Variants in GLI2 observed in about 807,000 individuals in gnomAD.
The protein encoded by GLI2 is transcription activator GLI2.
A neutral mutation model predicts 78.9 loss-of-function variants in GLI2; 22 were observed. The observed-to-expected ratio is 0.28, with a 90% CI of 0.20 to 0.40. The LOEUF (loss-of-function observed/expected upper bound fraction) is 0.40. Among genes scored for constraint, GLI2 ranks in the 10% least tolerant of loss-of-function variants. The pLI, the probability that GLI2 is intolerant of heterozygous loss-of-function variation, is 1.00. For synonymous variants in GLI2, 974 were observed against 963.7 expected (o/e 1.01, Z -0.20); for missense variants, 2,097 against 2,213.2 (o/e 0.95, Z 1.05).
At position 120,990,510 on chromosome 2, in the gene GLI2, C is replaced by T; in HGVS notation, c.4545C>T (p.Ser1515=). 1 of 1,614,148 alleles carries T rather than the reference C, an allele frequency of 6.2e-7. No individual in the cohort carries two copies. The highest frequency in any genetic ancestry group is 8.5e-7 in the Non-Finnish European group (1 of 1,180,022). Residue 1515 remains serine, a synonymous_variant, in exon 14 of 14, where the codon AGC becomes AGT. Coordinates refer to ENST00000361492, the MANE Select transcript of GLI2 (RefSeq NM_001374353.1). ...TGTTCTCGGGTGCTCTGAGCCCCAG[C>T]CTCCTCCACAGCCTCTCCCAGAACT... ...SSLFSGALSP[S]LLHSLSQNSS...
rs1280905136 is a variant in GLI2, at chr2:120,884,725, C to T, written c.149-42636C>T. Reference sequence around the variant, plus strand: ...CTAAGCTGAGTGACATTAGGGTGGCCGTCGGAGTCCAGCTAGAGTGGGCAG... The same window carrying T: ...CTAAGCTGAGTGACATTAGGGTGGCTGTCGGAGTCCAGCTAGAGTGGGCAG... On this transcript the variant is annotated intron_variant, in intron 2 of 13. Coordinates refer to ENST00000361492, the MANE Select transcript of GLI2 (RefSeq NM_001374353.1). Among the ~76,000 whole-genome samples, 10 of 152,284 alleles carry T rather than the reference C, an allele frequency of 6.6e-5. 1 individual carries two copies. In the East Asian group the frequency reaches 1.2e-3, roughly 18 times the overall value.
intron 2 of GLI2, among the ~76,000 whole-genome samples, chr2:120,914,428 A>C (rs1201340146): frequency 6.6e-6 from 1 of 152,216 alleles, no homozygotes; most frequent in Non-Finnish European, 1.5e-5. Context: ...TGGGCTTCAA[A>C]TCTATTGCAT....
rs566091105 is a variant in GLI2, at chr2:120,800,149, C to T, written c.148+2681C>T. On this transcript the variant is annotated intron_variant, in intron 2 of 13. Transcript: ENST00000361492. This position sits in a 1 kb window ranked among gnomAD's most constrained non-coding sequence, Gnocchi z 4.1. ...GTGTGGACAGTGGGTGAGGAGGGGCCGTGAGGGACTGTACCAAGCCTGGGA... is the reference window on the plus strand; with the variant it reads ...GTGTGGACAGTGGGTGAGGAGGGGCTGTGAGGGACTGTACCAAGCCTGGGA... 1.3e-4 allele frequency among the ~76,000 whole-genome samples: 20 copies of T among 152,204 alleles called. No homozygotes were observed. In the South Asian group the frequency reaches 1.9e-3, roughly 14 times the overall value.
intron 6 of GLI2, among the ~76,000 whole-genome samples, chr2:120,969,880 G>A (rs564208202): frequency 9.8e-5 from 15 of 152,322 alleles, no homozygotes; most frequent in African/African-American, 3.6e-4. Flanking sequence ...CCCAACCACA[G>A]GGGTCACCAA....
chr2:120,973,498 C>T (rs1012827075), intron 8 of GLI2, among the ~76,000 whole-genome samples: 6 of 152,216 alleles, frequency 3.9e-5, no homozygotes, highest in Non-Finnish European at 5.9e-5. Context: ...GTCCCCCCGT[C>T]GCTCAGTGTC....
chr2:120,762,913 C>T (rs981627799), intron 1 of GLI2, among the ~76,000 whole-genome samples: 3 of 152,150 alleles, frequency 2.0e-5, no homozygotes, highest in East Asian at 3.9e-4. Context: ...TGAAGGGATC[C>T]GAGGAGGAAA....
chr2:120,972,704 T>C (rs1272636998), intron 8 of GLI2: 2 of 518,386 alleles, frequency 3.9e-6, no homozygotes, highest in African/African-American at 3.9e-5. Flanking sequence ...TATTTTCCAA[T>C]GATTCAATGC....
At chr2:120,772,292 T>C (rs888636612) in intron 1 of GLI2, among the ~76,000 whole-genome samples, 1 of 152,184 alleles carries the variant, frequency 6.6e-6, no homozygotes, top group African/African-American at 2.4e-5. Context: ...GTCTCCTTTC[T>C]CTGAGGAGCC....
chr2:120,816,934 G>C (rs73949917), intron 2 of GLI2, among the ~76,000 whole-genome samples: 7,552 of 152,256 alleles, frequency 0.05, 617 homozygotes, highest in African/African-American at 0.17. Flanking sequence ...CATGCTGTTG[G>C]TTAAAATCCA....
intron 1 of GLI2, among the ~76,000 whole-genome samples, chr2:120,761,152 AG>A (rs1683200767): frequency 6.6e-6 from 1 of 152,214 alleles, no homozygotes; most frequent in South Asian, 2.1e-4. Flanking sequence ...ACAGGTGGCT[AG>A]GGACGAAGAT....
At chr2:120,806,449 G>A (rs1232379470) in intron 2 of GLI2, among the ~76,000 whole-genome samples, 3 of 152,116 alleles carry the variant, frequency 2.0e-5, no homozygotes, top group African/African-American at 7.2e-5. Flanking sequence ...CTTCACGGGG[G>A]AGGCAGTGTC....
chr2:120,843,583 G>A (rs557733760), intron 2 of GLI2, among the ~76,000 whole-genome samples: 33 of 152,350 alleles, frequency 2.2e-4, no homozygotes, highest in African/African-American at 7.5e-4. Context: ...GTTAAGGTCT[G>A]TGTAGTGGAT....
At chr2:120,774,015 C>G (rs1683605807) in intron 1 of GLI2, among the ~76,000 whole-genome samples, 1 of 150,422 alleles carries the variant, frequency 6.6e-6, no homozygotes, top group African/African-American at 2.4e-5. Flanking sequence ...TCTTCCCTCC[C>G]TTCCATCATC....
intron 2 of GLI2, among the ~76,000 whole-genome samples, chr2:120,873,426 G>A (rs1282160043): frequency 2.6e-5 from 4 of 152,150 alleles, no homozygotes; most frequent in Non-Finnish European, 5.9e-5. Context: ...TGTGAAAGAT[G>A]GCATTACTTT....
intron 2 of GLI2, among the ~76,000 whole-genome samples, chr2:120,846,145 T>C (rs1395878606): frequency 6.6e-6 from 1 of 152,160 alleles, no homozygotes; most frequent in Non-Finnish European, 1.5e-5. Context: ...CGTCAGTCAT[T>C]CTGGTTTCTT....
At chr2:120,741,845 C>T (rs1300435373) in intron 1 of GLI2, among the ~76,000 whole-genome samples, 1 of 152,162 alleles carries the variant, frequency 6.6e-6, no homozygotes, top group East Asian at 1.9e-4. Flanking sequence ...GCACACCGGC[C>T]GCCGCCGGCG....
chr2:120,857,596 C>T (rs1175759706), intron 2 of GLI2, among the ~76,000 whole-genome samples: 3 of 150,346 alleles, frequency 2.0e-5, no homozygotes. Context: ...AACTGATCCA[C>T]CTCACCCAAA....
chr2:120,968,737 G>A lies in GLI2; in HGVS notation c.667G>A (p.Val223Met), dbSNP rs1293201291. ...AGTGTCCCGTTTCTCCAGCCCGCGGGTGACGCCCCGCCTGAGCCGCAAGCG... is the reference window on the plus strand; with the variant it reads ...AGTGTCCCGTTTCTCCAGCCCGCGGATGACGCCCCGCCTGAGCCGCAAGCG... The part of the protein sequence containing the change: ...VDVSRFSSPR[V>M]TPRLSRKRAL... Residue 223 changes from valine (V) to methionine (M), a missense_variant, in exon 6 of 14, where the codon GTG (valine) becomes ATG (methionine). Around this residue, in one of 5 missense-constraint regions of GLI2, gnomAD observed 578 missense variants for 612.0 expected, o/e 0.94. Coordinates refer to ENST00000361492, the MANE Select transcript of GLI2 (RefSeq NM_001374353.1). 6.2e-6 allele frequency: 10 copies of A among 1,613,514 alleles called. No individual in the cohort carries two copies. In the African/African-American group the frequency reaches 1.3e-4, roughly 22 times the overall value.
At chr2:120,836,247 A>G (rs935195913) in intron 2 of GLI2, among the ~76,000 whole-genome samples, 1 of 152,104 alleles carries the variant, frequency 6.6e-6, no homozygotes, top group Non-Finnish European at 1.5e-5. Flanking sequence ...TCCCTCTGGC[A>G]TATTTCCCCG....
Sources: gnomAD v4.1 joint callset for allele counts (sites outside exome capture counted in the v4.1 genomes callset) on GRCh38, gnomAD v4.1.1 for gene constraint, gnomAD v4.1.1 regional missense constraint, Gnocchi (gnomAD v3.1) non-coding constraint, MANE v1.5 for transcripts, NCBI Gene and HGNC (gene_info 2026-07-23, HGNC 2026-07-21) for gene names.